Variants in GRM8 observed in about 807,000 individuals in gnomAD.
GRM8 encodes glutamate metabotropic receptor 8.
A neutral mutation model predicts 87.2 loss-of-function variants in GRM8; 47 were observed. The observed-to-expected ratio is 0.54, with a 90% confidence interval of 0.43 to 0.69. The LOEUF is 0.69. Ranked by LOEUF, GRM8 falls within the 30% of genes least tolerant of loss-of-function variation. GRM8 has a pLI of 0.00. For missense variants in GRM8, 1,019 were observed against 1,139.2 expected (o/e 0.89, Z 1.52); for synonymous variants, 396 against 404.5 (o/e 0.98, Z 0.25).
At chr7:126,745,370 T>C (rs1815524711) in intron 7 of GRM8, among the ~76,000 whole-genome samples, 1 of 150,464 alleles carries the variant, frequency 6.6e-6, no homozygotes, top group Non-Finnish European at 1.5e-5. Flanking sequence ...ATTTCCATTG[T>C]TATTCATATT....
chr7:127,223,914 T>TAAAAAAAA (rs71177597), intron 2 of GRM8, among the ~76,000 whole-genome samples: 1 of 133,778 alleles, frequency 7.5e-6, no homozygotes, highest in East Asian at 2.2e-4. Flanking sequence ...AAATGAAATG[T>TAAAAAAAA]AAAAAAAAAA....
At chr7:126,765,333 G>T (rs888161373) in intron 7 of GRM8, among the ~76,000 whole-genome samples, 1 of 151,742 alleles carries the variant, frequency 6.6e-6, no homozygotes, top group African/African-American at 2.4e-5. Context: ...TTCTATTCCC[G>T]CTATGCGGTT....
intron 3 of GRM8, among the ~76,000 whole-genome samples, chr7:127,063,338 G>A (rs775395571): frequency 1.3e-5 from 2 of 152,210 alleles, no homozygotes; most frequent in Non-Finnish European, 2.9e-5. Context: ...CACTTAGGGA[G>A]GCCAAGGTGG....
At chr7:127,116,981 T>C (rs1826735153) in intron 2 of GRM8, among the ~76,000 whole-genome samples, 1 of 152,096 alleles carries the variant, frequency 6.6e-6, no homozygotes, top group Admixed American at 6.5e-5. Context: ...CTGAGGCTTG[T>C]AAGGGTAAGG....
intron 6 of GRM8, among the ~76,000 whole-genome samples, chr7:126,901,152 T>C (rs1340841297): frequency 1.3e-5 from 2 of 152,112 alleles, no homozygotes; most frequent in Non-Finnish European, 2.9e-5. Flanking sequence ...ATTTTTTTTT[T>C]CCTTTACTTT....
intron 7 of GRM8, among the ~76,000 whole-genome samples, chr7:126,707,646 C>T (rs1002784442): frequency 2.0e-5 from 3 of 152,090 alleles, no homozygotes; most frequent in African/African-American, 7.2e-5. Context: ...TGATACTCAA[C>T]AATAAGGAAA....
intron 7 of GRM8, among the ~76,000 whole-genome samples, chr7:126,737,651 G>A (rs1417829751): frequency 6.6e-6 from 1 of 151,878 alleles, no homozygotes; most frequent in Non-Finnish European, 1.5e-5. Flanking sequence ...TTCCCTTCCT[G>A]AGCAATGTCC....
intron 7 of GRM8, among the ~76,000 whole-genome samples, chr7:126,729,177 G>A (rs967475832): frequency 1.6e-4 from 25 of 152,092 alleles, no homozygotes; most frequent in Admixed American, 6.6e-5. Context: ...TTCTCACGTG[G>A]CACCAATTGT....
At chr7:126,449,381 T>A (rs925088670) in intron 9 of GRM8, among the ~76,000 whole-genome samples, 1 of 151,662 alleles carries the variant, frequency 6.6e-6, no homozygotes, top group African/African-American at 2.4e-5. Context: ...CATAGAGGAG[T>A]TACAGGGTAG....
chr7:127,137,458 C>A (rs1370328495), intron 2 of GRM8, among the ~76,000 whole-genome samples: 1 of 152,060 alleles, frequency 6.6e-6, no homozygotes, highest in African/African-American at 2.4e-5. Context: ...ATAATAGAAA[C>A]TAATAAACTG....
chr7:126,930,993 A>G (rs1461648746), intron 3 of GRM8, among the ~76,000 whole-genome samples: 1 of 152,138 alleles, frequency 6.6e-6, no homozygotes, highest in Non-Finnish European at 1.5e-5. Context: ...ATGGAGAGAT[A>G]CTTTTGAAGT....
intron 7 of GRM8, among the ~76,000 whole-genome samples, chr7:126,618,564 A>G (rs936748577): frequency 5.3e-5 from 8 of 152,248 alleles, no homozygotes; most frequent in African/African-American, 1.9e-4. Flanking sequence ...ACACAGCGAA[A>G]GAAACTACCA....
intron 3 of GRM8, chr7:126,980,849 G>A (rs1380671814): frequency 1.3e-5 from 2 of 152,132 alleles, no homozygotes; most frequent in Non-Finnish European, 2.9e-5. Context: ...CTTACAATTG[G>A]TCATGCACAC....
intron 2 of GRM8, among the ~76,000 whole-genome samples, chr7:127,118,436 C>G (rs1032049688): frequency 1.3e-5 from 2 of 152,180 alleles, no homozygotes; most frequent in Non-Finnish European, 2.9e-5. Context: ...TTGATTAGCC[C>G]TTTCATCCTA....
chr7:127,237,845 C>T (rs1242417603), intron 2 of GRM8, among the ~76,000 whole-genome samples: 6 of 152,222 alleles, frequency 3.9e-5, no homozygotes, highest in South Asian at 4.1e-4. Context: ...GAGTTACCTC[C>T]AGCATCAATG....
At chr7:127,107,948 A>G (rs1297682924) in intron 2 of GRM8, among the ~76,000 whole-genome samples, 2 of 152,184 alleles carry the variant, frequency 1.3e-5, no homozygotes, top group Non-Finnish European at 1.5e-5. Context: ...CTATTCATTC[A>G]GCTTCCATGT....
chr7:126,951,702 A>G (rs554715995), intron 3 of GRM8, among the ~76,000 whole-genome samples: 1 of 152,178 alleles, frequency 6.6e-6, no homozygotes, highest in East Asian at 1.9e-4. Context: ...CTAGAATCAA[A>G]CAAAGAAGTA....
chr7:126,999,354 C>G (rs771119314), intron 3 of GRM8, among the ~76,000 whole-genome samples: 7 of 151,776 alleles, frequency 4.6e-5, no homozygotes, highest in Admixed American at 2.6e-4. Context: ...AATAATACTG[C>G]ACAAGCACAG....
At chr7:126,644,969 C>A (rs1281147974) in intron 7 of GRM8, among the ~76,000 whole-genome samples, 1 of 152,240 alleles carries the variant, frequency 6.6e-6, no homozygotes, top group Non-Finnish European at 1.5e-5. Flanking sequence ...AGAAGTCCGA[C>A]AGTGTTGACG....
Sources: allele counts gnomAD v4.1 joint callset (sites outside exome capture counted in the v4.1 genomes callset), GRCh38; gene constraint gnomAD v4.1.1; transcripts MANE v1.5; gene names NCBI Gene and HGNC (gene_info 2026-07-23, HGNC 2026-07-21).